AOAH: variants seen among roughly 807,000 people sequenced by gnomAD.
AOAH encodes the protein acyloxyacyl hydrolase (neutrophil).
In AOAH, 64 loss-of-function variants were observed where a neutral mutation model predicts 92.2. The observed-to-expected ratio is 0.69, with a 90% CI of 0.57 to 0.86. AOAH has a LOEUF of 0.86. Among genes scored for constraint, AOAH ranks in the 40% least tolerant of loss-of-function variants. The pLI is 0.00. For synonymous variants in AOAH, 263 were observed against 254.5 expected (o/e 1.03, Z -0.32); for missense variants, 656 against 694.6 (o/e 0.94, Z 0.62).
At chr7:36,567,249 C>T (rs1336537264) in intron 13 of AOAH, among the ~76,000 whole-genome samples, 1 of 152,194 alleles carries the variant, frequency 6.6e-6, no homozygotes, top group East Asian at 1.9e-4. Flanking sequence ...TATGGATTCC[C>T]TGCTGCTAAC....
chr7:36,682,081 G>T (rs557241596), intron 2 of AOAH, among the ~76,000 whole-genome samples: 1 of 152,360 alleles, frequency 6.6e-6, no homozygotes, highest in Admixed American at 6.5e-5. Flanking sequence ...ACAGCCACTG[G>T]ACGGGGAGGG....
At chr7:36,667,870 G>A (rs1389796475) in intron 3 of AOAH, among the ~76,000 whole-genome samples, 3 of 152,088 alleles carry the variant, frequency 2.0e-5, no homozygotes, top group African/African-American at 7.2e-5. Flanking sequence ...TAACATGGCT[G>A]CTCTTTCTTT....
At chr7:36,662,887 A>T (rs7808629) in intron 3 of AOAH, among the ~76,000 whole-genome samples, 1 of 151,980 alleles carries the variant, frequency 6.6e-6, no homozygotes, top group South Asian at 2.1e-4. Flanking sequence ...AAAAAGACAT[A>T]AAGTGACAAG....
intron 1 of AOAH, among the ~76,000 whole-genome samples, chr7:36,718,975 T>G (rs1035553722): frequency 1.3e-5 from 2 of 152,156 alleles, no homozygotes; most frequent in African/African-American, 4.8e-5. Flanking sequence ...TAAAACAATA[T>G]GGGAAAAATA....
At chr7:36,643,033 T>A (rs749517065) in intron 4 of AOAH, among the ~76,000 whole-genome samples, 3 of 152,230 alleles carry the variant, frequency 2.0e-5, no homozygotes, top group African/African-American at 4.8e-5. Flanking sequence ...AAGCATGACA[T>A]TAGTATTAAC....
In AOAH at chr7:36,677,105, T is replaced by A. The variant is rs146886776; in HGVS notation, c.224-3096A>T. Among the ~76,000 whole-genome samples, 375 of 151,518 alleles carry A rather than the reference T, an allele frequency of 2.5e-3. 1 individual carries two copies. The highest frequency in any genetic ancestry group is 7.5e-3 in the African/African-American group (310 of 41,334). ...AAACTTGACTTCATTAAAATAACAA[T>A]AAGTTTTGCACTTCATAGAACACCA... On this transcript the variant is annotated intron_variant, in intron 2 of 20. Coordinates refer to ENST00000617537, the MANE Select transcript of AOAH (RefSeq NM_001637.4).
chr7:36,535,877 T>C (rs191650073), intron 16 of AOAH, among the ~76,000 whole-genome samples: 82 of 152,290 alleles, frequency 5.4e-4, no homozygotes, highest in African/African-American at 1.9e-3. Context: ...AAGCTTGACT[T>C]TTCTCAAAGG....
intron 1 of AOAH, among the ~76,000 whole-genome samples, chr7:36,695,286 G>T (rs932238374): frequency 6.6e-6 from 1 of 152,090 alleles, no homozygotes; most frequent in Admixed American, 6.5e-5. Flanking sequence ...TGAAAACCAT[G>T]CATTCTTTTA....
chr7:36,705,177 G>A (rs1047547968), intron 1 of AOAH, among the ~76,000 whole-genome samples: 3 of 151,984 alleles, frequency 2.0e-5, no homozygotes, highest in Non-Finnish European at 2.9e-5. Flanking sequence ...TACTCAAACA[G>A]AAAGAGAGAA....
intron 19 of AOAH, among the ~76,000 whole-genome samples, chr7:36,527,806 T>C (rs3779221): frequency 0.047 from 7,160 of 152,278 alleles, 278 homozygotes; most frequent in East Asian, 0.16. Context: ...CCACACATCG[T>C]ACCCACATGG....
chr7:36,695,510 T>C (rs1344657507), intron 1 of AOAH, among the ~76,000 whole-genome samples: 1 of 152,174 alleles, frequency 6.6e-6, no homozygotes, highest in Non-Finnish European at 1.5e-5. Flanking sequence ...TCTTTCCACA[T>C]TTCCTTAGAA....
chr7:36,618,366 GA>G, intron 9 of AOAH, 21 bp from the exon 10 acceptor site: 1 of 1,612,970 alleles, frequency 6.2e-7, no homozygotes, highest in Non-Finnish European at 8.5e-7. Flanking sequence ...GAAACGATGT[GA>G]TTAGCAGTTT....
chr7:36,566,785 G>C (rs919044647), intron 13 of AOAH, among the ~76,000 whole-genome samples: 1 of 152,110 alleles, frequency 6.6e-6, no homozygotes. Context: ...AGGGAAAAAT[G>C]CCTCACGTAA....
At chr7:36,625,085 T>C (rs1187821168) in intron 6 of AOAH, among the ~76,000 whole-genome samples, 4 of 151,970 alleles carry the variant, frequency 2.6e-5, no homozygotes, top group Admixed American at 6.6e-5. Context: ...GGGGAGTCAA[T>C]AGCCACTTAG....
intron 13 of AOAH, among the ~76,000 whole-genome samples, chr7:36,551,972 TG>T (rs1469354075): frequency 1.3e-5 from 2 of 152,228 alleles, no homozygotes; most frequent in Non-Finnish European, 2.9e-5. Flanking sequence ...GGGTATATTG[TG>T]TAATGCTGAG....
Position 36,513,096 on chromosome 7 carries a change from A to G in AOAH, c.*156T>C. The G allele has an allele frequency of 6.3e-7, 1 of 1,589,242 alleles. No individual in the cohort carries two copies. The highest frequency in any genetic ancestry group is 8.5e-7 in the Non-Finnish European group (1 of 1,173,274). On this transcript the variant is annotated 3_prime_UTR_variant, in exon 21 of 21. Coordinates refer to ENST00000617537, the MANE Select transcript of AOAH (RefSeq NM_001637.4). ...CACACAGCATTGCACAGTCGTCCAG[A>G]TATGCTCTTCATTGAGAGAAAGACA...
chr7:36,685,411 GGGA>G (rs1333722023), intron 2 of AOAH, among the ~76,000 whole-genome samples: 1 of 152,126 alleles, frequency 6.6e-6, no homozygotes, highest in African/African-American at 2.4e-5. Context: ...GGGACTTCAG[GGGA>G]GGCCACTGAT....
chr7:36,630,977 C>T (rs779031113), intron 6 of AOAH, among the ~76,000 whole-genome samples: 1 of 152,122 alleles, frequency 6.6e-6, no homozygotes, highest in East Asian at 1.9e-4. Flanking sequence ...GGAAACATAT[C>T]GAAAGTTCAG....
intron 3 of AOAH, among the ~76,000 whole-genome samples, chr7:36,660,788 AAAGT>A (rs533728244): frequency 1.3e-5 from 2 of 152,348 alleles, no homozygotes; most frequent in South Asian, 2.1e-4. Flanking sequence ...CTTACCAAGA[AAAGT>A]GAGTATAATT....
Sources: allele counts gnomAD v4.1 joint callset (sites outside exome capture counted in the v4.1 genomes callset), GRCh38; gene constraint gnomAD v4.1.1; transcripts MANE v1.5; gene names NCBI Gene and HGNC (gene_info 2026-07-23, HGNC 2026-07-21).